CD44: variants seen among roughly 807,000 people sequenced by gnomAD.
CD44 encodes CD44 antigen.
In CD44, 49 loss-of-function variants were observed where a neutral mutation model predicts 88.8. The ratio of observed to expected loss-of-function variants is 0.55; its 90% confidence interval spans 0.44 to 0.70. CD44 has a LOEUF of 0.70. CD44 is among the 30% of genes least tolerant of loss of function. CD44 has a pLI of 0.00. For missense variants in CD44, 883 were observed against 913.8 expected (o/e 0.97, Z 0.43); for synonymous variants, 325 against 312.3 (o/e 1.04, Z -0.43).
chr11:35,140,478 T>C lies in CD44; in HGVS notation c.67+1108T>C, dbSNP rs1307487113. Among the ~76,000 whole-genome samples, 4 of 152,278 alleles carry C rather than the reference T, an allele frequency of 2.6e-5. 1 individual carries two copies. The South Asian group carries it at 6.2e-4, about 24-fold the overall frequency. On this transcript the variant is annotated intron_variant, in intron 1 of 17. Transcript: ENST00000428726. ...CCAGTTCCACGGGAGTACTGAGAAA[T>C]TGAAACACACAGTCTCACCCAGGTA...
intron 9 of CD44, among the ~76,000 whole-genome samples, chr11:35,203,870 T>C (rs969590640): frequency 3.9e-5 from 6 of 152,210 alleles, no homozygotes; most frequent in African/African-American, 1.4e-4. Context: ...ATTTATATAA[T>C]GCCTCAAACT....
chr11:35,189,384 C>T (rs938995026), intron 4 of CD44, among the ~76,000 whole-genome samples: 4 of 152,132 alleles, frequency 2.6e-5, no homozygotes, highest in Admixed American at 6.5e-5. Flanking sequence ...AAATCCTTTT[C>T]GGAGGAATAT....
Position 35,206,156 on chromosome 11 carries a change from C to T in CD44, c.1327C>T (p.Pro443Ser), listed in dbSNP as rs201507840. The T allele has an allele frequency of 7.4e-6, 12 of 1,612,100 alleles. No homozygotes were observed. The South Asian group carries it at 1.2e-4, about 16-fold the overall frequency. ...TSHPMQGRTT[P>S]SPEDSSWTDF... Reference sequence around the variant, plus strand: ...CCATCCAATGCAAGGAAGGACAACACCAAGCCCAGAGGACAGTTCCTGGAC... The same window carrying T: ...CCATCCAATGCAAGGAAGGACAACATCAAGCCCAGAGGACAGTTCCTGGAC... The change falls in exon 11 of 18, where the codon CCA (proline) becomes TCA (serine). Residue 443 changes from proline (P) to serine (S), a missense_variant. Transcript: ENST00000428726.
intron 17 of CD44, 148 bp from the exon 18 acceptor site, chr11:35,228,981 G>A: frequency 1.5e-6 from 1 of 646,380 alleles, no homozygotes; most frequent in Non-Finnish European, 2.6e-6. Flanking sequence ...AGTTGTTAAA[G>A]TAGAGAAAAC....
chr11:35,161,580 C>G (rs1942622501), intron 1 of CD44, among the ~76,000 whole-genome samples: 1 of 152,152 alleles, frequency 6.6e-6, no homozygotes, highest in South Asian at 2.1e-4. Context: ...CTGTAAGTCT[C>G]TGATTGGATT....
chr11:35,225,889 T>G (rs1238360752), intron 17 of CD44, among the ~76,000 whole-genome samples: 1 of 152,170 alleles, frequency 6.6e-6, no homozygotes, highest in Non-Finnish European at 1.5e-5. Flanking sequence ...TGCAGTGCAG[T>G]GCCATAACAA....
At chr11:35,205,004 A>G (rs1376499647) in intron 10 of CD44, 2 of 167,018 alleles carry the variant, frequency 1.2e-5, no homozygotes, top group Non-Finnish European at 2.6e-5. Flanking sequence ...AGACTTTACA[A>G]TATGATTCTG....
chr11:35,219,791 T>C (rs1192772206), intron 16 of CD44, among the ~76,000 whole-genome samples: 1 of 152,180 alleles, frequency 6.6e-6, no homozygotes, highest in Non-Finnish European at 1.5e-5. Flanking sequence ...CCTTTTACGA[T>C]TACAGACAGG....
At chr11:35,227,594 C>A in intron 17 of CD44, among the ~76,000 whole-genome samples, 1 of 152,194 alleles carries the variant, frequency 6.6e-6, no homozygotes, top group East Asian at 1.9e-4. Flanking sequence ...CCTCATCAAG[C>A]CTTATGCTAG....
At chr11:35,175,921 A>C (rs1944409825) in intron 1 of CD44, among the ~76,000 whole-genome samples, 1 of 141,452 alleles carries the variant, frequency 7.1e-6, no homozygotes. Context: ...GCTGGAGTGT[A>C]GTGGCATGAT....
chr11:35,157,043 T>A (rs1941959698), intron 1 of CD44, among the ~76,000 whole-genome samples: 1 of 152,118 alleles, frequency 6.6e-6, no homozygotes, highest in African/African-American at 2.4e-5. Flanking sequence ...CTATTAAAAA[T>A]TAGGAAAAGA....
chr11:35,182,351 AGTTGAAATG>A (rs1945229928), intron 3 of CD44, among the ~76,000 whole-genome samples: 1 of 152,072 alleles, frequency 6.6e-6, no homozygotes, highest in Non-Finnish European at 1.5e-5. Flanking sequence ...AGGGCTGGCT[AGTTGAAATG>A]GAGTGCGTGA....
At chr11:35,214,384 G>T (rs1005642078) in intron 14 of CD44, among the ~76,000 whole-genome samples, 1 of 151,742 alleles carries the variant, frequency 6.6e-6, no homozygotes, top group Non-Finnish European at 1.5e-5. Flanking sequence ...ATTTCCTGCC[G>T]CCAAGAAATC....
intron 15 of CD44, among the ~76,000 whole-genome samples, chr11:35,216,008 G>C (rs1948804933): frequency 6.6e-6 from 1 of 151,320 alleles, no homozygotes; most frequent in Non-Finnish European, 1.5e-5. Flanking sequence ...CCATGTTACA[G>C]ATGAGGAAAC....
At chr11:35,206,029 G>A (rs867402589) in intron 10 of CD44, 83 bp from the exon 11 acceptor site, 5 of 1,451,070 alleles carry the variant, frequency 3.4e-6, no homozygotes, top group Middle Eastern at 3.7e-4. Flanking sequence ...AGAGAATAAA[G>A]TCTTTTTTAA....
chr11:35,200,918 G>A (rs1947250610), intron 7 of CD44, among the ~76,000 whole-genome samples, 164 bp from the exon 8 acceptor site: 2 of 152,144 alleles, frequency 1.3e-5, no homozygotes, highest in South Asian at 4.1e-4. Flanking sequence ...GCTGAATTAA[G>A]CTGAAGTCAC....
In CD44 at chr11:35,180,281, T is replaced by A; in HGVS notation, c.241T>A (p.Phe81Ile). 1.9e-6 allele frequency: 3 copies of A among 1,613,666 alleles called. No homozygotes were observed. Among genetic ancestry groups the A allele is most frequent in the Non-Finnish European group, 2.5e-6 (3 of 1,179,616 alleles). ...SIGFETCRYG[F>I]IEGHVVIPRI... ...GTTGTTTTTCTCTTACAGGTATGGGTTCATAGAAGGGCACGTGGTGATTCC... is the reference window on the plus strand; with the variant it reads ...GTTGTTTTTCTCTTACAGGTATGGGATCATAGAAGGGCACGTGGTGATTCC... The change falls in exon 3 of 18, where the codon TTC (phenylalanine) becomes ATC (isoleucine). Residue 81 changes from phenylalanine to isoleucine, a missense_variant. Phe to Ile is a conservative substitution (Grantham distance 21, BLOSUM62 0). Transcript: ENST00000428726.
chr11:35,179,457 G>C (rs1176643665), intron 2 of CD44, among the ~76,000 whole-genome samples: 3 of 152,230 alleles, frequency 2.0e-5, no homozygotes, highest in African/African-American at 7.2e-5. Context: ...GAAGAGGCTG[G>C]GCTGTGTATG....
chr11:35,177,609 T>A (rs1278167711), intron 2 of CD44, among the ~76,000 whole-genome samples: 1 of 152,218 alleles, frequency 6.6e-6, no homozygotes, highest in Non-Finnish European at 1.5e-5. Flanking sequence ...GCACACAGAC[T>A]GCTTTTGAAA....
Sources: gnomAD v4.1 joint callset for allele counts (sites outside exome capture counted in the v4.1 genomes callset) on GRCh38, gnomAD v4.1.1 for gene constraint, MANE v1.5 for transcripts, NCBI Gene and HGNC (gene_info 2026-07-23, HGNC 2026-07-21) for gene names.